The following MMP16 variants were observed in gnomAD, a reference collection of about 807,000 sequenced individuals.
The protein encoded by MMP16 is matrix metalloproteinase-16.
In MMP16, 12 loss-of-function variants were observed where a neutral mutation model predicts 67.8. That is an observed-to-expected ratio of 0.18 (90% CI 0.11 to 0.29). MMP16 has a LOEUF of 0.29. MMP16 is among the 10% of genes least tolerant of loss of function. The pLI is 1.00. For synonymous variants in MMP16, 249 were observed against 255.9 expected, an observed-to-expected ratio of 0.97 and a Z score of 0.26; for missense variants, 475 against 765.7, an observed-to-expected ratio of 0.62 and a Z score of 4.48.
chr8:88,107,103 G>A (rs2118398696), intron 6 of MMP16, among the ~76,000 whole-genome samples: 1 of 151,078 alleles, frequency 6.6e-6, no homozygotes. Flanking sequence ...TTTTTTCCCT[G>A]ACTCTATTCT....
rs778310030 is a variant in MMP16 at position 88,167,840 on chromosome 8, G to A, written c.538C>T (p.Arg180Cys). ...AAAATAATGGTTATATCCACATCAC[G>A]TTTGCCATTTTCTAATTCACTGTAG... ...VPYSELENGK[R>C]DVDITIIFAS... The change falls in exon 4 of 10, where the codon CGT (arginine) becomes TGT (cysteine). Residue 180 changes from arginine (R) to cysteine (C), a missense_variant. Physicochemically the swap from Arg to Cys is radical, Grantham distance 180. This residue lies in a region of MMP16 where 170 missense variants were observed against 239.6 expected (regional missense o/e 0.71). Transcript: ENST00000286614. The A allele has an allele frequency of 6.2e-6, 10 of 1,613,798 alleles. No homozygotes were observed. In the East Asian group the frequency reaches 6.7e-5, roughly 11 times the overall value.
intron 9 of MMP16, among the ~76,000 whole-genome samples, chr8:88,046,309 G>A (rs538431227): frequency 2.6e-5 from 4 of 152,028 alleles, no homozygotes; most frequent in Admixed American, 1.3e-4. Context: ...ATAATACCTC[G>A]AGTGGCACCT....
intron 2 of MMP16, among the ~76,000 whole-genome samples, chr8:88,187,250 A>G (rs1045153425): frequency 6.6e-6 from 1 of 152,208 alleles, no homozygotes; most frequent in Non-Finnish European, 1.5e-5. Context: ...CACAAGACTA[A>G]GGTTTGATGT....
chr8:88,327,226 G>A lies in MMP16; in HGVS notation c.-20C>T. On this transcript the variant is annotated 5_prime_UTR_variant, in exon 1 of 10. Transcript: ENST00000286614. ...GATCATAGTGAACTGTGCTTCAATG[G>A]ATGGACGAGCTCCCCTTCGTTTTCT... The A allele has an allele frequency of 1.2e-6, 2 of 1,613,434 alleles. No individual in the cohort carries two copies. The highest frequency in any genetic ancestry group is 1.7e-6 in the Non-Finnish European group (2 of 1,179,616).
chr8:88,195,001 T>C (rs2129776065), intron 2 of MMP16, among the ~76,000 whole-genome samples: 1 of 152,258 alleles, frequency 6.6e-6, no homozygotes, highest in Non-Finnish European at 1.5e-5. Flanking sequence ...CACCATCATT[T>C]TTACTGGTCT....
intron 7 of MMP16, among the ~76,000 whole-genome samples, chr8:88,067,256 A>G (rs1006178068): frequency 3.9e-5 from 6 of 152,124 alleles, no homozygotes; most frequent in African/African-American, 1.4e-4. Context: ...CAACGGGCTC[A>G]ACTAAGAAAC....
At chr8:88,229,076 G>T (rs1809816290) in intron 1 of MMP16, among the ~76,000 whole-genome samples, 1 of 151,940 alleles carries the variant, frequency 6.6e-6, no homozygotes, top group Non-Finnish European at 1.5e-5. Context: ...TGGGAAGATT[G>T]CTTGAGCTCA....
chr8:88,269,134 A>G (rs1810525371), intron 1 of MMP16, among the ~76,000 whole-genome samples: 1 of 152,190 alleles, frequency 6.6e-6, no homozygotes, highest in Admixed American at 6.5e-5. Context: ...AAAGCACTGC[A>G]TATTGGGGAT....
At chr8:88,091,703 C>T (rs1017833885) in intron 6 of MMP16, among the ~76,000 whole-genome samples, 3 of 151,776 alleles carry the variant, frequency 2.0e-5, no homozygotes, top group Non-Finnish European at 4.4e-5. Flanking sequence ...ATTAATACGT[C>T]CCCAAACACT....
intron 1 of MMP16, among the ~76,000 whole-genome samples, chr8:88,229,827 C>G (rs928959154): frequency 6.6e-6 from 1 of 151,704 alleles, no homozygotes; most frequent in South Asian, 2.1e-4. Flanking sequence ...TCTAAATGAC[C>G]GAGAGAATAA....
At chr8:88,163,133 T>G (rs746026187) in intron 4 of MMP16, among the ~76,000 whole-genome samples, 42 of 152,194 alleles carry the variant, frequency 2.8e-4, no homozygotes, top group Non-Finnish European at 4.6e-4. Context: ...TTAGGTTTAC[T>G]TCTACACAGG....
chr8:88,278,122 G>A (rs1029851407), intron 1 of MMP16, among the ~76,000 whole-genome samples: 1 of 152,196 alleles, frequency 6.6e-6, no homozygotes, highest in Non-Finnish European at 1.5e-5. Context: ...GATCATTTAA[G>A]TCTGCTCCTC....
At chr8:88,237,694 C>T (rs1030813788) in intron 1 of MMP16, among the ~76,000 whole-genome samples, 2 of 151,546 alleles carry the variant, frequency 1.3e-5, no homozygotes, top group African/African-American at 4.8e-5. Context: ...AAAACAACTG[C>T]ATCTTGGGTA....
chr8:88,084,583 G>A (rs919542263), intron 6 of MMP16, among the ~76,000 whole-genome samples: 39 of 151,986 alleles, frequency 2.6e-4, no homozygotes, highest in African/African-American at 9.2e-4. Context: ...GAAATTTCAT[G>A]ATACCTACAA....
intron 7 of MMP16, among the ~76,000 whole-genome samples, chr8:88,059,906 C>G (rs1451935904): frequency 1.3e-5 from 2 of 149,240 alleles, no homozygotes; most frequent in Admixed American, 1.3e-4. Flanking sequence ...CCAAGATGGC[C>G]AGAGGAAGCA....
At chr8:88,184,746 C>CAAAAAAAAAAAAAAAAAAAAAAAAAAA (rs61606557) in intron 3 of MMP16, among the ~76,000 whole-genome samples, 13 of 47,482 alleles carry the variant, frequency 2.7e-4, no homozygotes, top group African/African-American at 4.8e-4. Context: ...GGCCCTGTCT[C>CAAAAAAAAAAAAAAAAAAAAAAAAAAA]AAAAAAAAAA....
chr8:88,060,865 C>T (rs1808390175), intron 7 of MMP16, among the ~76,000 whole-genome samples: 1 of 151,882 alleles, frequency 6.6e-6, no homozygotes, highest in African/African-American at 2.4e-5. Context: ...TATTACATGG[C>T]TACTCAAATA....
At chr8:88,216,669 T>A (rs1348589541) in intron 1 of MMP16, among the ~76,000 whole-genome samples, 1 of 152,126 alleles carries the variant, frequency 6.6e-6, no homozygotes, top group Non-Finnish European at 1.5e-5. Flanking sequence ...CTATCAAGTT[T>A]GTTTTGCAGA....
chr8:88,066,018 G>A (rs941860057), intron 7 of MMP16, among the ~76,000 whole-genome samples: 1 of 151,896 alleles, frequency 6.6e-6, no homozygotes, highest in Non-Finnish European at 1.5e-5. Context: ...CAAGTGATTT[G>A]TGTCTCTTGA....
Sources: allele counts gnomAD v4.1 joint callset (sites outside exome capture counted in the v4.1 genomes callset), GRCh38; gene constraint gnomAD v4.1.1; regional missense constraint gnomAD v4.1.1; transcripts MANE v1.5; gene names NCBI Gene and HGNC (gene_info 2026-07-23, HGNC 2026-07-21).